The following FTO variants were observed in gnomAD, a reference collection of about 807,000 sequenced individuals.
FTO encodes the protein alpha-ketoglutarate-dependent dioxygenase FTO.
Under a neutral mutation model 63.9 loss-of-function variants are expected in FTO, and 47 were observed. The observed-to-expected ratio is 0.74, with a 90% CI of 0.58 to 0.94. The LOEUF is 0.94. Ranked by LOEUF, FTO falls within the 40% of genes least tolerant of loss-of-function variation. The pLI is 0.00. For missense variants in FTO, 562 were observed against 618.1 expected, an observed-to-expected ratio of 0.91 and a Z score of 0.96; for synonymous variants, 207 against 224.4, an observed-to-expected ratio of 0.92 and a Z score of 0.69.
chr16:53,940,421 G>A (rs1599042352), intron 8 of FTO, among the ~76,000 whole-genome samples: 2 of 152,168 alleles, frequency 1.3e-5, no homozygotes, highest in Admixed American at 1.3e-4. Flanking sequence ...TTGCAGCAGT[G>A]CACGTTTCCC....
chr16:53,811,853 C>T (rs910777844), intron 2 of FTO, among the ~76,000 whole-genome samples: 1 of 152,140 alleles, frequency 6.6e-6, no homozygotes, highest in Non-Finnish European at 1.5e-5. Flanking sequence ...CACTCTGTCA[C>T]CCAGACTGGA....
At chr16:53,764,042 C>G (rs1212104969) in intron 1 of FTO, 1 of 152,202 alleles carries the variant, frequency 6.6e-6, no homozygotes, top group African/African-American at 2.4e-5. Context: ...TTTTTTCTCT[C>G]AAAATGGGGC....
Position 53,730,034 on chromosome 16 carries a change from C to G in FTO, c.45+25805C>G, listed in dbSNP as rs184744158. Among the ~76,000 whole-genome samples the G allele has an allele frequency of 2.0e-5, 3 of 152,276 alleles. No individual in the cohort carries two copies. The East Asian group carries it at 5.8e-4, about 29-fold the overall frequency. ...CTTTATAAACTGTCACCTGTGATAG[C>G]CTAATCTTTAGAAATATTTAGGGAT... On this transcript the variant is annotated intron_variant, in intron 1 of 8. Coordinates refer to ENST00000471389, the MANE Select transcript of FTO (RefSeq NM_001080432.3).
At chr16:53,772,681 T>C (rs2077366597) in intron 1 of FTO, among the ~76,000 whole-genome samples, 3 of 152,144 alleles carry the variant, frequency 2.0e-5, no homozygotes, top group Admixed American at 2.0e-4. Flanking sequence ...GAATTGGGAC[T>C]AACTGTATTT....
chr16:54,078,086 T>G (rs1209660373), intron 8 of FTO, among the ~76,000 whole-genome samples: 4 of 152,080 alleles, frequency 2.6e-5, no homozygotes, highest in African/African-American at 9.7e-5. Flanking sequence ...TGCTTTTTAT[T>G]ATCCCCTTTC....
chr16:54,057,355 G>A (rs1340249416), intron 8 of FTO, among the ~76,000 whole-genome samples: 1 of 152,208 alleles, frequency 6.6e-6, no homozygotes, highest in Non-Finnish European at 1.5e-5. Context: ...TGATCAACGT[G>A]ACTCAGTTTG....
rs539356430 is a variant in FTO, at chr16:53,814,725, C to T, written c.123+4508C>T. The T allele has an allele frequency of 2.0e-5, 3 of 152,648 alleles. No homozygotes were observed. The East Asian group carries it at 5.8e-4, about 29-fold the overall frequency. 9.5% of individuals were successfully genotyped at this position (152,648 alleles called of 1,614,324 possible). A position where few individuals can be genotyped will look rare whatever the true frequency, so the allele number is the denominator to read the frequency against. On this transcript the variant is annotated intron_variant, in intron 2 of 8. Transcript: ENST00000471389. ...CCCTGTGACCTCCAGCTCTCCACTTCCAACTGCCTACGGAGTGGCTCTACC... is the reference window on the plus strand; with the variant it reads ...CCCTGTGACCTCCAGCTCTCCACTTTCAACTGCCTACGGAGTGGCTCTACC...
intron 8 of FTO, among the ~76,000 whole-genome samples, chr16:54,093,887 G>C (rs1168351717): frequency 6.6e-6 from 1 of 152,156 alleles, no homozygotes; most frequent in Non-Finnish European, 1.5e-5. Context: ...GAGCCAGGGG[G>C]CTTTGAGATG....
At chr16:53,995,345 T>G (rs1247383607) in intron 8 of FTO, among the ~76,000 whole-genome samples, 2 of 152,202 alleles carry the variant, frequency 1.3e-5, no homozygotes, top group African/African-American at 4.8e-5. Context: ...ATGCCTAACA[T>G]AAGCAATTAA....
chr16:53,803,896 T>G (rs2078289750), intron 1 of FTO, among the ~76,000 whole-genome samples: 1 of 152,246 alleles, frequency 6.6e-6, no homozygotes, highest in African/African-American at 2.4e-5. Flanking sequence ...CTAATTAATA[T>G]CTGGATTCTT....
chr16:53,857,470 C>CTA (rs539268198), intron 4 of FTO, among the ~76,000 whole-genome samples: 10 of 149,104 alleles, frequency 6.7e-5, no homozygotes, highest in African/African-American at 1.9e-4. Flanking sequence ...CTCTCTCTTT[C>CTA]TATATATATA....
intron 1 of FTO, among the ~76,000 whole-genome samples, chr16:53,791,211 G>A (rs948981055): frequency 9.9e-5 from 15 of 152,148 alleles, no homozygotes; most frequent in African/African-American, 3.6e-4. Flanking sequence ...AGGAATTCTA[G>A]GCATTTATCT....
intron 7 of FTO, among the ~76,000 whole-genome samples, chr16:53,899,569 A>G (rs2081352394): frequency 6.6e-6 from 1 of 152,192 alleles, no homozygotes; most frequent in Admixed American, 6.5e-5. Flanking sequence ...TGGGTATGCA[A>G]TAGCTTTTGA....
At chr16:54,009,664 C>T (rs2084293019) in intron 8 of FTO, among the ~76,000 whole-genome samples, 1 of 152,174 alleles carries the variant, frequency 6.6e-6, no homozygotes, top group African/African-American at 2.4e-5. Context: ...CCAGGCTTCC[C>T]ACCAAGTCTT....
At chr16:54,025,868 C>A (rs564968300) in intron 8 of FTO, among the ~76,000 whole-genome samples, 4 of 152,142 alleles carry the variant, frequency 2.6e-5, no homozygotes, top group Non-Finnish European at 4.4e-5. Flanking sequence ...CAAAAATTAT[C>A]CGGGCATGGG....
intron 8 of FTO, among the ~76,000 whole-genome samples, chr16:54,036,982 G>T (rs764762416): frequency 6.6e-6 from 1 of 152,160 alleles, no homozygotes. Context: ...GCATCTCCCC[G>T]TGTGTCCACT....
chr16:53,939,693 T>G lies in FTO; in HGVS notation c.1364+5584T>G, dbSNP rs142187576. ...TACAGATTTGCCTATTTATAACATT[T>G]CTTATAAATGAAATCATACAATACG... On this transcript the variant is annotated intron_variant, in intron 8 of 8. Transcript: ENST00000471389. Among the ~76,000 whole-genome samples, 452 of 152,346 alleles carry G rather than the reference T, an allele frequency of 3.0e-3. 1 individual carries two copies. Among genetic ancestry groups the G allele is most frequent in the African/African-American group, 0.01 (436 of 41,566 alleles).
intron 3 of FTO, among the ~76,000 whole-genome samples, chr16:53,836,575 G>A (rs565634379): frequency 6.6e-6 from 1 of 152,262 alleles, no homozygotes; most frequent in Non-Finnish European, 1.5e-5. Flanking sequence ...GTAACTCTTT[G>A]ATTTCTGCAA....
chr16:53,940,875 T>C (rs2082512729), intron 8 of FTO, among the ~76,000 whole-genome samples: 2 of 125,948 alleles, frequency 1.6e-5, no homozygotes, highest in African/African-American at 5.0e-5. Context: ...ATCTTTCTAT[T>C]CTCTGTGACC....
Sources: allele counts gnomAD v4.1 joint callset (sites outside exome capture counted in the v4.1 genomes callset), GRCh38; gene constraint gnomAD v4.1.1; transcripts MANE v1.5; gene names NCBI Gene and HGNC (gene_info 2026-07-23, HGNC 2026-07-21).